The following FAM13C variants were observed in gnomAD, a reference collection of about 807,000 sequenced individuals.
FAM13C encodes the protein protein FAM13C.
In FAM13C, 37 loss-of-function variants were observed where a neutral mutation model predicts 73.2. That is an observed-to-expected ratio of 0.51 (90% confidence interval 0.39 to 0.67). The LOEUF is 0.67. Among genes scored for constraint, FAM13C ranks in the 30% least tolerant of loss-of-function variants. The pLI is 0.00. For synonymous variants in FAM13C, 246 were observed against 260.9 expected (o/e 0.94, Z 0.55); for missense variants, 589 against 715.6 (o/e 0.82, Z 2.02).
chr10:59,356,010 T>C (rs1855671929), intron 1 of FAM13C, 67 bp from the exon 2 acceptor site: 2 of 1,434,724 alleles, frequency 1.4e-6, no homozygotes, highest in Admixed American at 3.4e-5. Flanking sequence ...AGCAATAATC[T>C]AGAATTGTCT....
chr10:59,357,956 A>G (rs1464558862), intron 1 of FAM13C, among the ~76,000 whole-genome samples: 1 of 152,266 alleles, frequency 6.6e-6, no homozygotes, highest in East Asian at 1.9e-4. Context: ...AATGGTGTAT[A>G]ATTAACCCAC....
intron 13 of FAM13C, 50 bp downstream of exon 13, chr10:59,251,525 G>A (rs747095491): frequency 1.4e-5 from 21 of 1,507,670 alleles, no homozygotes; most frequent in Non-Finnish European, 1.6e-5. Flanking sequence ...ATTTTTAACA[G>A]CAATTCTCTA....
At chr10:59,266,575 C>T (rs1226116629) in intron 8 of FAM13C, among the ~76,000 whole-genome samples, 1 of 152,172 alleles carries the variant, frequency 6.6e-6, no homozygotes, top group Non-Finnish European at 1.5e-5. Context: ...CTGATAATAA[C>T]AAAGACTTCT....
intron 10 of FAM13C, among the ~76,000 whole-genome samples, chr10:59,256,892 CTCTT>C (rs760324019): frequency 6.6e-6 from 1 of 152,312 alleles, no homozygotes. Flanking sequence ...CAATGGCTCT[CTCTT>C]TCTGAAGTAC....
chr10:59,304,546 A>T (rs1278924067), intron 4 of FAM13C, among the ~76,000 whole-genome samples: 2 of 151,908 alleles, frequency 1.3e-5, no homozygotes, highest in Non-Finnish European at 2.9e-5. Context: ...TGATGAGAAC[A>T]CATCAATCTA....
At chr10:59,264,872 G>T (rs146148239) in intron 8 of FAM13C, among the ~76,000 whole-genome samples, 1 of 152,196 alleles carries the variant, frequency 6.6e-6, no homozygotes, top group African/African-American at 2.4e-5. Flanking sequence ...TTACATGCAG[G>T]CTGAAGAAAA....
In FAM13C at chr10:59,269,445, C is replaced by A. The variant is rs76652538; in HGVS notation, c.803+454G>T. On this transcript the variant is annotated intron_variant, in intron 7 of 13. Coordinates refer to ENST00000618804, the MANE Select transcript of FAM13C (RefSeq NM_198215.4). Reference sequence around the variant, plus strand: ...ACACACACACACACACACACACACACACACATTATTTGGATGAGGGTAGCT... The same window carrying A: ...ACACACACACACACACACACACACAAACACATTATTTGGATGAGGGTAGCT... Among the ~76,000 whole-genome samples the A allele has an allele frequency of 2.9e-4, 44 of 152,060 alleles. No individual in the cohort carries two copies. In the East Asian group the frequency reaches 8.5e-3, roughly 30 times the overall value.
intron 1 of FAM13C, chr10:59,360,879 AGTC>A: frequency 2.1e-5 from 7 of 337,996 alleles, no homozygotes; most frequent in South Asian, 7.2e-5. Context: ...AAAAAAAAAA[AGTC>A]CACGTGAAAT....
In FAM13C at chr10:59,262,450, G is replaced by T. The variant is rs1360720853; in HGVS notation, c.1220C>A (p.Pro407His). Residue 407 changes from proline (P) to histidine (H), a missense_variant, in exon 10 of 14, where the codon CCC becomes CAC. Coordinates refer to ENST00000618804, the MANE Select transcript of FAM13C (RefSeq NM_198215.4). ...GTGATGTACCTTAGAATCCTCCTGG[G>T]GAGGAAGTTGCTCTCTTCTCTCCTT... ...CLKERREQLP[P>H]QEDSKVTKQD... is the part of the protein sequence containing the mutation. 2 of 1,613,422 alleles carry T rather than the reference G, an allele frequency of 1.2e-6. No homozygotes were observed. The highest frequency in any genetic ancestry group is 1.7e-6 in the Non-Finnish European group (2 of 1,179,670).
chr10:59,334,753 C>G (rs1304728068), intron 3 of FAM13C, among the ~76,000 whole-genome samples: 2 of 111,714 alleles, frequency 1.8e-5, no homozygotes, highest in African/African-American at 7.3e-5. Flanking sequence ...ACACCGGGGC[C>G]TGTTGTGGGG....
chr10:59,261,498 C>T (rs534541266), intron 10 of FAM13C, among the ~76,000 whole-genome samples: 2 of 152,258 alleles, frequency 1.3e-5, no homozygotes, highest in African/African-American at 2.4e-5. Context: ...ATTAAATATG[C>T]TAGTTTGTTC....
At chr10:59,271,133 T>G (rs1274868495) in intron 6 of FAM13C, among the ~76,000 whole-genome samples, 1 of 152,216 alleles carries the variant, frequency 6.6e-6, no homozygotes, top group Admixed American at 6.5e-5. Context: ...TTCTCAAGTT[T>G]GCTCAACAGA....
At chr10:59,287,922 T>C (rs776512152) in intron 5 of FAM13C, among the ~76,000 whole-genome samples, 11 of 152,206 alleles carry the variant, frequency 7.2e-5, no homozygotes, top group Non-Finnish European at 1.6e-4. Context: ...CAGGGTCTTA[T>C]TTCTGCACCT....
chr10:59,247,966 T>A (rs1055692505), intron 13 of FAM13C, among the ~76,000 whole-genome samples: 16 of 152,080 alleles, frequency 1.1e-4, no homozygotes, highest in African/African-American at 3.6e-4. Flanking sequence ...GTTTTGCAAA[T>A]ATGTGGTCTA....
intron 5 of FAM13C, among the ~76,000 whole-genome samples, chr10:59,301,410 G>A (rs1847587081): frequency 6.6e-6 from 1 of 152,214 alleles, no homozygotes; most frequent in Non-Finnish European, 1.5e-5. Context: ...TCAGCGCAGT[G>A]AGCTGGCACA....
chr10:59,259,969 T>C (rs756640417), intron 10 of FAM13C, among the ~76,000 whole-genome samples: 11 of 152,118 alleles, frequency 7.2e-5, no homozygotes, highest in Non-Finnish European at 1.2e-4. Context: ...AGATACTAAA[T>C]GTAATATATC....
At chr10:59,348,918 G>C in intron 3 of FAM13C, among the ~76,000 whole-genome samples, 1 of 152,182 alleles carries the variant, frequency 6.6e-6, no homozygotes, top group Middle Eastern at 3.2e-3. Flanking sequence ...ACAGGCGTGA[G>C]CCACAATGCC....
intron 5 of FAM13C, among the ~76,000 whole-genome samples, chr10:59,293,875 C>T (rs542936618): frequency 6.6e-6 from 1 of 152,304 alleles, no homozygotes; most frequent in East Asian, 1.9e-4. Flanking sequence ...GAAAGAATTA[C>T]CCTTAGAAGA....
intron 5 of FAM13C, among the ~76,000 whole-genome samples, chr10:59,292,866 G>C (rs1248143541): frequency 6.6e-6 from 1 of 151,890 alleles, no homozygotes; most frequent in Non-Finnish European, 1.5e-5. Flanking sequence ...TTCTCTCCTA[G>C]CTATTTGAAA....
Sources: gnomAD v4.1 joint callset for allele counts (sites outside exome capture counted in the v4.1 genomes callset) on GRCh38, gnomAD v4.1.1 for gene constraint, MANE v1.5 for transcripts, NCBI Gene and HGNC (gene_info 2026-07-23, HGNC 2026-07-21) for gene names.